RNF31: variants seen among roughly 807,000 people sequenced by gnomAD.
The protein encoded by RNF31 is E3 ubiquitin-protein ligase RNF31.
Under a neutral mutation model 133.6 loss-of-function variants are expected in RNF31, and 38 were observed. The ratio of observed to expected loss-of-function variants is 0.28; its 90% confidence interval spans 0.22 to 0.37. The LOEUF (loss-of-function observed/expected upper bound fraction) is 0.37, where lower values mean the gene tolerates loss of function less well. RNF31 is among the 10% of genes least tolerant of loss of function. The probability of loss-of-function intolerance (pLI) is 1.00; values close to 1 mark genes in which losing one functional copy is unlikely to be tolerated. For synonymous variants in RNF31, 582 were observed against 552.3 expected (o/e 1.05, Z -0.75); for missense variants, 1,118 against 1,394.1 (o/e 0.80, Z 3.15).
Position 24,148,058 on chromosome 14 carries a change from C to G in RNF31, c.275C>G (p.Pro92Arg). Residue 92 changes from proline to arginine, a missense_variant, in exon 2 of 21, where the codon CCT (proline) becomes CGT (arginine). Pro to Arg is a moderately radical substitution (Grantham distance 103). Coordinates refer to ENST00000324103, the MANE Select transcript of RNF31 (RefSeq NM_017999.5). The stretch of plus-strand genomic sequence containing the variant: ...CGCAACCTTCTCAGCCCTCAGCGGC[C>G]TCGGTACTGGCGTGGTGTCAAGTTT... ...YGRNLLSPQR[P>R]RYWRGVKFNN... 6.2e-7 allele frequency: 1 copy of G among 1,614,228 alleles called. No homozygotes were observed. The highest frequency in any genetic ancestry group is 8.5e-7 in the Non-Finnish European group (1 of 1,180,036).
Position 24,151,189 on chromosome 14 carries a change from G to A in RNF31, c.1547G>A (p.Gly516Asp). The change falls in exon 9 of 21, where the codon GGC (glycine) becomes GAC (aspartate). Residue 516 changes from glycine (G) to aspartate (D), a missense_variant. Physicochemically the swap from Gly to Asp is moderately conservative, Grantham distance 94 (BLOSUM62 -1). This residue lies in a region of RNF31 where 747 missense variants were observed against 827.9 expected (regional missense o/e 0.90). Coordinates refer to ENST00000324103, the MANE Select transcript of RNF31 (RefSeq NM_017999.5). This position sits in a 1 kb window ranked among gnomAD's most constrained non-coding sequence, Gnocchi z 5.3. ...ATCTTCTCGGCTCTGCAGTACTCGG[G>A]CACTGAGGTGCCTCTGCAGTGGTTG... The part of the protein sequence containing the change: ...EEIFSALQYS[G>D]TEVPLQWLRS... The A allele has an allele frequency of 6.2e-7, 1 of 1,614,182 alleles. No individual in the cohort carries two copies. Among genetic ancestry groups the A allele is most frequent in the Non-Finnish European group, 8.5e-7 (1 of 1,180,056 alleles).
At position 24,155,201 on chromosome 14, in the gene RNF31, C is replaced by T. The variant is rs2038324265; in HGVS notation, c.2175C>T (p.Cys725=). 6.2e-7 allele frequency: 1 copy of T among 1,614,178 alleles called. No individual in the cohort carries two copies. The highest frequency in any genetic ancestry group is 8.5e-7 in the Non-Finnish European group (1 of 1,180,028). Residue 725 remains cysteine, a synonymous_variant, in exon 12 of 21, where the codon TGC becomes TGT. Coordinates refer to ENST00000324103, the MANE Select transcript of RNF31 (RefSeq NM_017999.5). This position sits in a 1 kb window ranked among gnomAD's most constrained non-coding sequence, Gnocchi z 4.9. The part of the protein sequence containing the change: ...TSCECTICPD[C]FRQHFTIALK... Reference sequence around the variant, plus strand: ...GTGAGTGCACCATCTGTCCTGACTGCTTCCGCCAGCACTTCACCATCGCCT... The same window carrying T: ...GTGAGTGCACCATCTGTCCTGACTGTTTCCGCCAGCACTTCACCATCGCCT...
At position 24,157,942 on chromosome 14, in the gene RNF31, C is replaced by G. The variant is rs2139091598; in HGVS notation, c.2772C>G (p.Gly924=). ...PNCRVKKSLH[G]HHPRDCLFYL... ...GCAGGGTGAAAAAGTCCCTGCACGG[C>G]CACCACCCTCGAGACTGCCTCTTCT... Residue 924 remains glycine (G), a synonymous_variant, in exon 17 of 21, where the codon GGC becomes GGG. Transcript: ENST00000324103. The G allele has an allele frequency of 6.2e-7, 1 of 1,614,170 alleles. No individual in the cohort carries two copies. The highest frequency in any genetic ancestry group is 8.5e-7 in the Non-Finnish European group (1 of 1,180,046).
Position 24,148,626 on chromosome 14 carries a change from A to G in RNF31, c.496-16A>G. 2.5e-6 allele frequency: 4 copies of G among 1,613,990 alleles called. No homozygotes were observed. The highest frequency in any genetic ancestry group is 1.1e-5 in the South Asian group (1 of 91,076). On this transcript the variant is annotated splice_polypyrimidine_tract_variant and intron_variant, in intron 3 of 20. Transcript: ENST00000324103. ...AGGGGTCTAGCTGGAAACCGTTTTT[A>G]TCTGTATTATTGCAGAATACTCATC... is the stretch of plus-strand genomic sequence containing the variant.
rs1284151434 is a variant in RNF31, at chr14:24,150,093, C to T, written c.842C>T (p.Ser281Leu). 2.5e-6 allele frequency: 4 copies of T among 1,595,930 alleles called. No homozygotes were observed. Among genetic ancestry groups the T allele is most frequent in the Non-Finnish European group, 2.6e-6 (3 of 1,167,918 alleles). ...GCCTCAGCCCAACCACGGCCCCAGT[C>T]GACCTCCCTGCTGGCCCTGGGAGAC... ...LPASAQPRPQ[S>L]TSLLALGDSS... The change falls in exon 7 of 21, where the codon TCG becomes TTG. Residue 281 changes from serine to leucine, a missense_variant. Ser to Leu is a moderately radical substitution (Grantham distance 145, BLOSUM62 -2). Around this residue, in one of 3 missense-constraint regions of RNF31, gnomAD observed 747 missense variants for 827.9 expected, o/e 0.90. Coordinates refer to ENST00000324103, the MANE Select transcript of RNF31 (RefSeq NM_017999.5).
rs754920056 is a variant in RNF31, at chr14:24,150,157, G to T, written c.906G>T (p.Leu302Phe). 5 of 1,613,786 alleles carry T rather than the reference G, an allele frequency of 3.1e-6. No homozygotes were observed. The highest frequency in any genetic ancestry group is 4.2e-6 in the Non-Finnish European group (5 of 1,179,758). ...CCCCTAATCCTGCAAGTGCTCATTT[G>T]CCCTGGCACTGTGCTGCCTGTGCCA... ...LSSPNPASAHLPWHCAACAML... is the reference protein window; with the variant it reads ...LSSPNPASAHFPWHCAACAML... The change falls in exon 7 of 21, where the codon TTG becomes TTT. Residue 302 changes from leucine to phenylalanine, a missense_variant. Leu to Phe is a conservative substitution (Grantham distance 22). Around this residue, in one of 3 missense-constraint regions of RNF31, gnomAD observed 747 missense variants for 827.9 expected, o/e 0.90. Coordinates refer to ENST00000324103, the MANE Select transcript of RNF31 (RefSeq NM_017999.5).
Position 24,151,699 on chromosome 14 carries a change from G to A in RNF31, c.1923+29G>A, listed in dbSNP as rs1368602742. ...CTGGGAGGAGGCAAGAAGCCCAAGG[G>A]TCCACCTAGAGGAGCAAGAGGGAGC... On this transcript the variant is annotated intron_variant, in intron 10 of 20. Transcript: ENST00000324103. This position sits in a 1 kb window ranked among gnomAD's most constrained non-coding sequence, Gnocchi z 5.3. The A allele has an allele frequency of 6.2e-7, 1 of 1,608,286 alleles. No homozygotes were observed. The highest frequency in any genetic ancestry group is 8.5e-7 in the Non-Finnish European group (1 of 1,179,356).
intron 17 of RNF31, 65 bp from the exon 18 acceptor site, chr14:24,158,077 C>G: frequency 2.5e-6 from 4 of 1,610,676 alleles, no homozygotes; most frequent in Non-Finnish European, 3.4e-6. Context: ...AGGCTCCGTG[C>G]TAGGAATTGC....
upstream of RNF31, chr14:24,146,878 G>A: frequency 1.9e-6 from 1 of 524,894 alleles, no homozygotes; most frequent in Non-Finnish European, 3.4e-6. Context: ...GGGGCTTATA[G>A]CTAGGGCCAA....
chr14:24,157,682 C>G, intron 16 of RNF31, 44 bp downstream of exon 16: 1 of 1,549,372 alleles, frequency 6.5e-7, no homozygotes, highest in Non-Finnish European at 8.9e-7. Context: ...GTGGGGGGTG[C>G]CATTGGCTTT....
rs1173403457 is a variant in RNF31 at position 24,149,124 on chromosome 14, C to G, written c.631+248C>G. The G allele has an allele frequency of 6.7e-6, 4 of 592,824 alleles. No homozygotes were observed. The Admixed American group carries it at 1.2e-4, about 18-fold the overall frequency. The allele number at this position is 592,824 out of a possible 1,614,324, so 36.7% of individuals were successfully genotyped here. On this transcript the variant is annotated intron_variant, in intron 5 of 20. Coordinates refer to ENST00000324103, the MANE Select transcript of RNF31 (RefSeq NM_017999.5). ...GATTACAGGCATGCGCCACCGCGCT[C>G]GGCTAATTTTGTATTTTTGGTAGAG... is the stretch of plus-strand genomic sequence containing the variant.
At chr14:24,149,735 A>G in intron 6 of RNF31, 152 bp downstream of exon 6, 2 of 856,668 alleles carry the variant, frequency 2.3e-6, no homozygotes, top group East Asian at 5.3e-5. Flanking sequence ...CATACACATC[A>G]AGCAGGTAGC....
upstream of RNF31, chr14:24,147,097 C>G: frequency 5.3e-6 from 1 of 187,684 alleles, no homozygotes; most frequent in South Asian, 8.7e-5. Flanking sequence ...GGTCTTCCCT[C>G]TGCCTTCAGG....
In RNF31 at chr14:24,158,212, A is replaced by G. The variant is rs748742240; in HGVS notation, c.2899+13A>G. The stretch of plus-strand genomic sequence containing the variant: ...GCAGTCCCTGGAGGTGAGTGTTAGG[A>G]CAAGCCTTTGAGAAGAGGAGATGGT... On this transcript the variant is annotated intron_variant, in intron 18 of 20. Transcript: ENST00000324103. The G allele has an allele frequency of 6.2e-7, 1 of 1,613,434 alleles. No homozygotes were observed. Among genetic ancestry groups the G allele is most frequent in the African/African-American group, 1.3e-5 (1 of 74,920 alleles).
In RNF31 at chr14:24,147,982, A is replaced by G. The variant is rs780374583; in HGVS notation, c.199A>G (p.Asn67Asp). Residue 67 changes from asparagine (N) to aspartate (D), a missense_variant, in exon 2 of 21, where the codon AAC becomes GAC. By Grantham distance (23) the Asn-to-Asp change is conservative. Transcript: ENST00000324103. ...CTGCTCTCCTTGCTCCCAGCCCCGA[A>G]ACTACCTCAACACCCTGTCCACGGC... is the stretch of plus-strand genomic sequence containing the variant. ...VRCNAHGEPR[N>D]YLNTLSTALN... 6.2e-7 allele frequency: 1 copy of G among 1,614,142 alleles called. No homozygotes were observed. Among genetic ancestry groups the G allele is most frequent in the Non-Finnish European group, 8.5e-7 (1 of 1,180,006 alleles).
intron 5 of RNF31, 77 bp downstream of exon 5, chr14:24,148,953 GTTATC>G: frequency 8.2e-7 from 1 of 1,222,620 alleles, no homozygotes; most frequent in South Asian, 1.2e-5. Flanking sequence ...TGTCTTCTTG[GTTATC>G]TTCCTTTGTG....
At position 24,151,328 on chromosome 14, in the gene RNF31, T is replaced by C. The variant is rs764260186; in HGVS notation, c.1686T>C (p.His562=). The part of the protein sequence containing the change: ...QEARRAWLDR[H]GNLDEAVEEC... ...CCCGGAGAGCCTGGCTGGATCGTCA[T>C]GGCAACCTTGATGAAGCTGTGGAGG... Residue 562 remains histidine (H), a synonymous_variant, in exon 9 of 21, where the codon CAT becomes CAC. Coordinates refer to ENST00000324103, the MANE Select transcript of RNF31 (RefSeq NM_017999.5). This position sits in a 1 kb window ranked among gnomAD's most constrained non-coding sequence, Gnocchi z 5.3. The C allele has an allele frequency of 5.0e-6, 8 of 1,614,198 alleles. No homozygotes were observed. In the Admixed American group the frequency reaches 8.3e-5, roughly 17 times the overall value.
intron 14 of RNF31, among the ~76,000 whole-genome samples, chr14:24,156,247 C>T (rs116782105): frequency 0.02 from 3,108 of 152,254 alleles, 103 homozygotes; most frequent in African/African-American, 0.071. Context: ...AGCAGGCGTC[C>T]GTCTGCCTTC....
intron 3 of RNF31, 112 bp from the exon 4 acceptor site, chr14:24,148,530 G>A: frequency 6.3e-7 from 1 of 1,586,032 alleles, no homozygotes; most frequent in East Asian, 2.2e-5. Context: ...TCAGCATTCT[G>A]GGAGCTCCGG....
Sources: allele counts gnomAD v4.1 joint callset (sites outside exome capture counted in the v4.1 genomes callset), GRCh38; gene constraint gnomAD v4.1.1; regional missense constraint gnomAD v4.1.1; non-coding constraint Gnocchi (gnomAD v3.1); transcripts MANE v1.5; gene names NCBI Gene and HGNC (gene_info 2026-07-23, HGNC 2026-07-21).